Variants in PAPPA2 observed in about 807,000 individuals in gnomAD.
PAPPA2 encodes pappalysin-2.
PAPPA2 carries 86 observed loss-of-function variants against 176.4 expected under a neutral mutation model. The ratio of observed to expected loss-of-function variants is 0.49; its 90% confidence interval spans 0.41 to 0.58. The LOEUF is 0.58. Ranked by LOEUF, PAPPA2 falls within the 20% of genes least tolerant of loss-of-function variation. The pLI is 0.00. For synonymous variants in PAPPA2, 809 were observed against 852.2 expected (o/e 0.95, Z 0.88); for missense variants, 2,073 against 2,256.9 (o/e 0.92, Z 1.65).
chr1:176,523,126 A>G (rs975557826), intron 1 of PAPPA2, among the ~76,000 whole-genome samples: 1 of 152,112 alleles, frequency 6.6e-6, no homozygotes, highest in Admixed American at 6.5e-5. Context: ...ACCTCAACCA[A>G]ACCAAATCAA....
At chr1:176,628,545 T>G (rs2102704759) in intron 3 of PAPPA2, among the ~76,000 whole-genome samples, 1 of 152,210 alleles carries the variant, frequency 6.6e-6, no homozygotes, top group South Asian at 2.1e-4. Context: ...AACAAAAGCC[T>G]TTTGTGAGTG....
chr1:176,469,843 C>A (rs2102463119), intron 1 of PAPPA2, among the ~76,000 whole-genome samples: 1 of 152,302 alleles, frequency 6.6e-6, no homozygotes, highest in South Asian at 2.1e-4. Flanking sequence ...TCCAGGGCCA[C>A]AAGCACGTGG....
At chr1:176,539,301 G>A (rs895577074) in intron 1 of PAPPA2, among the ~76,000 whole-genome samples, 5 of 152,180 alleles carry the variant, frequency 3.3e-5, no homozygotes, top group African/African-American at 7.2e-5. Context: ...CCAGAGAGGC[G>A]GTTGCCAGGG....
At chr1:176,808,969 T>C (rs1227343400) in intron 21 of PAPPA2, among the ~76,000 whole-genome samples, 1 of 152,170 alleles carries the variant, frequency 6.6e-6, no homozygotes, top group Non-Finnish European at 1.5e-5. Context: ...GGGCTTAAAA[T>C]ACTCAATGAA....
chr1:176,639,345 CT>C (rs1296805940), intron 3 of PAPPA2, among the ~76,000 whole-genome samples: 1 of 152,084 alleles, frequency 6.6e-6, no homozygotes, highest in Non-Finnish European at 1.5e-5. Context: ...AGGCCTGTTG[CT>C]TTAACCTATG....
At chr1:176,589,199 A>G (rs931086143) in intron 2 of PAPPA2, among the ~76,000 whole-genome samples, 8 of 152,144 alleles carry the variant, frequency 5.3e-5, no homozygotes, top group Non-Finnish European at 1.2e-4. Context: ...AGAATTTTTC[A>G]GAGTCTCTTT....
intron 2 of PAPPA2, among the ~76,000 whole-genome samples, chr1:176,565,545 A>G (rs1030114258): frequency 3.3e-5 from 5 of 152,136 alleles, no homozygotes; most frequent in Admixed American, 3.3e-4. Context: ...ACATACAAAA[A>G]TTAGCCGGGT....
At chr1:176,827,895 G>T (rs1454744501) in intron 21 of PAPPA2, among the ~76,000 whole-genome samples, 1 of 152,042 alleles carries the variant, frequency 6.6e-6, no homozygotes, top group Non-Finnish European at 1.5e-5. Context: ...AATTATAAAA[G>T]AAAGTTTTCT....
chr1:176,504,169 G>A (rs1193810191), intron 1 of PAPPA2, among the ~76,000 whole-genome samples: 2 of 151,826 alleles, frequency 1.3e-5, no homozygotes, highest in African/African-American at 4.8e-5. Context: ...ACTCTTCTGT[G>A]TACACTAAGC....
At chr1:176,626,166 C>T (rs866061484) in intron 3 of PAPPA2, among the ~76,000 whole-genome samples, 11 of 152,186 alleles carry the variant, frequency 7.2e-5, no homozygotes, top group African/African-American at 2.4e-4. Context: ...CTCAGAAAGG[C>T]CTGTGTATAC....
intron 1 of PAPPA2, among the ~76,000 whole-genome samples, chr1:176,477,888 G>C (rs908198111): frequency 4.6e-5 from 7 of 152,194 alleles, no homozygotes; most frequent in Admixed American, 4.6e-4. Flanking sequence ...AAGGATCCCA[G>C]ACTCACCTCT....
intron 17 of PAPPA2, among the ~76,000 whole-genome samples, chr1:176,787,666 T>C (rs1665000364): frequency 6.6e-6 from 1 of 152,228 alleles, no homozygotes; most frequent in South Asian, 2.1e-4. Context: ...TAAAATATTT[T>C]ATTATTAAAA....
intron 21 of PAPPA2, among the ~76,000 whole-genome samples, chr1:176,826,505 A>T (rs186757642): frequency 3.7e-4 from 56 of 152,300 alleles, no homozygotes; most frequent in African/African-American, 1.3e-3. Flanking sequence ...GTGAGACTGG[A>T]TGGACCAACC....
intron 14 of PAPPA2, among the ~76,000 whole-genome samples, chr1:176,746,143 A>AG (rs1208893629): frequency 6.6e-6 from 1 of 152,230 alleles, no homozygotes; most frequent in Non-Finnish European, 1.5e-5. Context: ...AATGAAGGCA[A>AG]GCCTCTTCAT....
At chr1:176,571,807 G>A (rs184887580) in intron 2 of PAPPA2, among the ~76,000 whole-genome samples, 1 of 152,314 alleles carries the variant, frequency 6.6e-6, no homozygotes, top group East Asian at 1.9e-4. Flanking sequence ...ATAGAGTTAT[G>A]TGATTACAAG....
chr1:176,784,405 A>C (rs953693902), intron 17 of PAPPA2, among the ~76,000 whole-genome samples: 3 of 152,170 alleles, frequency 2.0e-5, no homozygotes, highest in Non-Finnish European at 2.9e-5. Context: ...AGCAATGCAG[A>C]GGCACTGGGG....
intron 17 of PAPPA2, among the ~76,000 whole-genome samples, chr1:176,773,685 C>A (rs978008599): frequency 6.6e-6 from 1 of 152,142 alleles, no homozygotes; most frequent in Non-Finnish European, 1.5e-5. Flanking sequence ...GTCGTGAAAG[C>A]ATTTTACAAA....
intron 1 of PAPPA2, among the ~76,000 whole-genome samples, chr1:176,493,469 G>A (rs1472117876): frequency 2.6e-5 from 4 of 152,226 alleles, no homozygotes; most frequent in African/African-American, 7.2e-5. Flanking sequence ...CATGGCTTAT[G>A]TGTGCTGGAT....
chr1:176,718,707 T>TA (rs1571222735), intron 12 of PAPPA2, among the ~76,000 whole-genome samples: 6 of 150,952 alleles, frequency 4.0e-5, no homozygotes, highest in Admixed American at 2.0e-4. Flanking sequence ...ACTTTTTTTT[T>TA]TAAAAAAAAA....
Sources: gnomAD v4.1 joint callset for allele counts (sites outside exome capture counted in the v4.1 genomes callset) on GRCh38, gnomAD v4.1.1 for gene constraint, MANE v1.5 for transcripts, NCBI Gene and HGNC (gene_info 2026-07-23, HGNC 2026-07-21) for gene names.